SBF1: variants seen among roughly 807,000 people sequenced by gnomAD.
SBF1 encodes the protein SET binding factor 1.
A neutral mutation model predicts 215.8 loss-of-function variants in SBF1; 65 were observed. That is an observed-to-expected ratio of 0.30 (90% confidence interval 0.25 to 0.37). The LOEUF is 0.37. SBF1 is among the 10% of genes least tolerant of loss of function. SBF1 has a pLI of 1.00. For missense variants in SBF1, 2,634 were observed against 2,667.8 expected (o/e 0.99, Z 0.28); for synonymous variants, 1,410 against 1,122.8 (o/e 1.26, Z -5.11).
At position 50,461,557 on chromosome 22, in the gene SBF1, C is replaced by G; in HGVS notation, c.2805G>C (p.Arg935=). The G allele has an allele frequency of 1.2e-6, 2 of 1,608,134 alleles. No individual in the cohort carries two copies. The highest frequency in any genetic ancestry group is 1.7e-6 in the Non-Finnish European group (2 of 1,176,412). ...AEGAVFLTTY[R]VIFTGMPTDP... The stretch of plus-strand genomic sequence containing the variant: ...CCGTGGGCATCCCCGTGAAGATGAC[C>G]CGGTACGTGGTGAGGAAGACGGCGC... The change falls in exon 22 of 41, where the codon CGG becomes CGC. Residue 935 remains arginine (R), a synonymous_variant. Coordinates refer to ENST00000380817, the MANE Select transcript of SBF1 (RefSeq NM_002972.4).
intron 25 of SBF1, 47 bp from the exon 26 acceptor site, chr22:50,460,206 C>A: frequency 6.2e-7 from 1 of 1,604,504 alleles, no homozygotes; most frequent in Non-Finnish European, 8.5e-7. Flanking sequence ...ACTCCGCCTG[C>A]CCTGATCCTC....
At position 50,461,517 on chromosome 22, in the gene SBF1, G is replaced by A; in HGVS notation, c.2839+6C>T. The A allele has an allele frequency of 6.3e-7, 1 of 1,590,698 alleles. No individual in the cohort carries two copies. The highest frequency in any genetic ancestry group is 8.6e-7 in the Non-Finnish European group (1 of 1,164,326). On this transcript the variant is annotated splice_donor_region_variant and intron_variant, in intron 22 of 40. Transcript: ENST00000380817. ...GGCGACAGGGCCAGAGAGTCTGCAG[G>A]CTCACCCAGGGGGTCCGTGGGCATC...
chr22:50,454,988 G>A, intron 34 of SBF1, 28 bp downstream of exon 34: 1 of 1,613,974 alleles, frequency 6.2e-7, no homozygotes, highest in Non-Finnish European at 8.5e-7. Context: ...CTGACCCGTG[G>A]CTGCCCCAGC....
At chr22:50,463,171 G>A in intron 16 of SBF1, 112 bp downstream of exon 16, 2 of 1,415,254 alleles carry the variant, frequency 1.4e-6, no homozygotes, top group Non-Finnish European at 2.0e-6. Context: ...CTGCCCACTG[G>A]CACAGGAGTC....
chr22:50,446,630 A>C lies in SBF1; in HGVS notation c.*512T>G, dbSNP rs1403228228. On this transcript the variant is annotated 3_prime_UTR_variant, in exon 41 of 41. Coordinates refer to ENST00000380817, the MANE Select transcript of SBF1 (RefSeq NM_002972.4). ...GAAGCCTCCTGCTCGATCCGCCCCC[A>C]GAGCAAAGTCACTCCCAGGGACATG... The C allele has an allele frequency of 2.8e-6, 1 of 352,788 alleles. No homozygotes were observed. Among genetic ancestry groups the C allele is most frequent in the Non-Finnish European group, 5.6e-6 (1 of 178,032 alleles). The allele number at this position is 352,788 out of a possible 1,614,324, so 21.9% of individuals were successfully genotyped here.
At position 50,448,645 on chromosome 22, in the gene SBF1, C is replaced by A. The variant is rs1027321407; in HGVS notation, c.5049G>T (p.Leu1683=). 1 of 1,609,698 alleles carries A rather than the reference C, an allele frequency of 6.2e-7. No homozygotes were observed. Among genetic ancestry groups the A allele is most frequent in the Admixed American group, 1.7e-5 (1 of 59,992 alleles). The change falls in exon 37 of 41, where the codon CTG becomes CTT. Residue 1683 remains leucine (L), a synonymous_variant. Coordinates refer to ENST00000380817, the MANE Select transcript of SBF1 (RefSeq NM_002972.4). ...GGCCCAACTCTGTCTCCAGCCTCTG[C>A]AGCTCCTGGGGGAAGAATTAATGGC... ...PDAISRLLEE[L]QRLETELGQP...
In SBF1 at chr22:50,447,031, G is replaced by A. The variant is rs2066855292; in HGVS notation, c.*111C>T. Reference sequence around the variant, plus strand: ...TGTACACACAAGTGCTGGGGGCTCGGGGCCTCAATACTGTCGAGGGCCGGG... The same window carrying A: ...TGTACACACAAGTGCTGGGGGCTCGAGGCCTCAATACTGTCGAGGGCCGGG... On this transcript the variant is annotated 3_prime_UTR_variant, in exon 41 of 41. Coordinates refer to ENST00000380817, the MANE Select transcript of SBF1 (RefSeq NM_002972.4). 4.2e-6 allele frequency: 4 copies of A among 950,334 alleles called. No individual in the cohort carries two copies. Among genetic ancestry groups the A allele is most frequent in the Admixed American group, 4.2e-5 (2 of 47,244 alleles). The allele number at this position is 950,334 out of a possible 1,614,324, so 58.9% of individuals were successfully genotyped here. A position where few individuals can be genotyped will look rare whatever the true frequency, so the allele number is the denominator to read the frequency against.
At position 50,454,612 on chromosome 22, in the gene SBF1, C is replaced by T. The variant is rs894795215; in HGVS notation, c.4943G>A (p.Arg1648Gln). ...GCTCTGGGGAGCGCCTCCATCAGAC[C>T]GTTCTTCCTCTGGGGGTTCAGGGGG... ...QGPPEPPEEE[R>Q]SDGGAPQSRR... is the part of the protein sequence containing the mutation. Residue 1648 changes from arginine to glutamine, a missense_variant, in exon 36 of 41, where the codon CGG (arginine) becomes CAG (glutamine). Arg to Gln is a conservative substitution (Grantham distance 43). Coordinates refer to ENST00000380817, the MANE Select transcript of SBF1 (RefSeq NM_002972.4). 2 of 1,607,130 alleles carry T rather than the reference C, an allele frequency of 1.2e-6. No homozygotes were observed. Among genetic ancestry groups the T allele is most frequent in the Admixed American group, 1.7e-5 (1 of 59,104 alleles).
intron 1 of SBF1, among the ~76,000 whole-genome samples, chr22:50,469,835 A>C (rs1279549138): frequency 6.6e-6 from 1 of 151,884 alleles, no homozygotes; most frequent in African/African-American, 2.4e-5. Flanking sequence ...CCAATGGCAC[A>C]CACTCCACGG....
At chr22:50,470,104 G>A (rs1013600457) in intron 1 of SBF1, among the ~76,000 whole-genome samples, 2 of 151,384 alleles carry the variant, frequency 1.3e-5, no homozygotes, top group African/African-American at 2.4e-5. Context: ...TCACTCAGGC[G>A]CAGGCCCTGA....
chr22:50,464,489 C>T, intron 14 of SBF1, 45 bp downstream of exon 14: 12 of 1,602,780 alleles, frequency 7.5e-6, no homozygotes, highest in Non-Finnish European at 1.0e-5. Context: ...CCACGCCCAT[C>T]CTGGGCCACG....
chr22:50,474,669 GA>G, intron 1 of SBF1, 116 bp downstream of exon 1: 2 of 509,628 alleles, frequency 3.9e-6, no homozygotes, highest in Non-Finnish European at 5.5e-6. Context: ...TCGGCCTCCC[GA>G]CCCAGCCCCC....
In SBF1 at chr22:50,447,360, C is replaced by T. The variant is rs758883650; in HGVS notation, c.5545G>A (p.Gly1849Ser). The T allele has an allele frequency of 1.2e-6, 2 of 1,614,010 alleles. No individual in the cohort carries two copies. Among genetic ancestry groups the T allele is most frequent in the Non-Finnish European group, 1.7e-6 (2 of 1,179,926 alleles). The change falls in exon 40 of 41, where the codon GGT becomes AGT. Residue 1849 changes from glycine to serine, a missense_variant. Transcript: ENST00000380817. The part of the protein sequence containing the change: ...EAVAPGTPTM[G>S]APKTVDEKAF... ...TTCTCGTCCACAGTCTTAGGGGCAC[C>T]CATAGTGGGCGTGCCAGGTGCCACA...
intron 9 of SBF1, 34 bp from the exon 10 acceptor site, chr22:50,465,874 C>T: frequency 6.2e-7 from 1 of 1,612,422 alleles, no homozygotes. Flanking sequence ...CAGCTGCACG[C>T]TGGCCCCGGC....
At chr22:50,461,460 G>C in intron 22 of SBF1, 63 bp downstream of exon 22, 9 of 1,521,140 alleles carry the variant, frequency 5.9e-6, no homozygotes, top group Non-Finnish European at 7.9e-6. Context: ...GGCAGGGAAA[G>C]CCCATCCATC....
chr22:50,456,635 C>T lies in SBF1; in HGVS notation c.3943G>A (p.Gly1315Ser). 1 of 1,510,304 alleles carries T rather than the reference C, an allele frequency of 6.6e-7. No individual in the cohort carries two copies. The highest frequency in any genetic ancestry group is 8.8e-7 in the Non-Finnish European group (1 of 1,130,976). The allele number at this position is 1,510,304 out of a possible 1,614,324, so 93.6% of individuals were successfully genotyped here. ...GSVRTSGRSSGLGTDVGSRLA... is the reference protein window; with the variant it reads ...GSVRTSGRSSSLGTDVGSRLA... ...CGGGAGCCCACATCGGTGCCAAGGC[C>T]ACTGCTGCGTCCACTGGTCCGGACA... The change falls in exon 30 of 41, where the codon GGC becomes AGC. Residue 1315 changes from glycine (G) to serine (S), a missense_variant. Transcript: ENST00000380817.
At chr22:50,466,567 G>A (rs769973546) in intron 6 of SBF1, 38 bp downstream of exon 6, 25 of 1,533,198 alleles carry the variant, frequency 1.6e-5, no homozygotes, top group South Asian at 3.6e-5. Flanking sequence ...ACCAGTCCCC[G>A]AGGGGAAGCC....
intron 36 of SBF1, among the ~76,000 whole-genome samples, chr22:50,451,885 C>T (rs1440562423): frequency 6.6e-6 from 1 of 151,784 alleles, no homozygotes; most frequent in Non-Finnish European, 1.5e-5. Context: ...CAGCCTCCAC[C>T]TCCCGGGTTG....
intron 1 of SBF1, among the ~76,000 whole-genome samples, chr22:50,471,616 G>A (rs545064133): frequency 2.0e-5 from 3 of 152,248 alleles, no homozygotes; most frequent in East Asian, 3.9e-4. Context: ...ACCCCAACGT[G>A]CACATGGCTC....
Sources: gnomAD v4.1 joint callset for allele counts (sites outside exome capture counted in the v4.1 genomes callset) on GRCh38, gnomAD v4.1.1 for gene constraint, MANE v1.5 for transcripts, NCBI Gene and HGNC (gene_info 2026-07-23, HGNC 2026-07-21) for gene names.